The following IMMP1L variants were observed in gnomAD, a reference collection of about 807,000 sequenced individuals.
The protein encoded by IMMP1L is mitochondrial inner membrane protease subunit 1.
Under a neutral mutation model 21.8 loss-of-function variants are expected in IMMP1L, and 24 were observed. That is an observed-to-expected ratio of 1.10 (90% CI 0.80 to 1.55). IMMP1L has a LOEUF of 1.55. Ranked by LOEUF, IMMP1L falls within the 40% of genes most tolerant of loss-of-function variation. IMMP1L has a pLI of 0.00. For synonymous variants in IMMP1L, 46 were observed against 62.8 expected (o/e 0.73, Z 1.26); for missense variants, 195 against 200.7 (o/e 0.97, Z 0.17).
chr11:31,469,391 G>A (rs1954470701), intron 1 of IMMP1L, among the ~76,000 whole-genome samples: 1 of 151,786 alleles, frequency 6.6e-6, no homozygotes, highest in Non-Finnish European at 1.5e-5. Context: ...GTTCAGCAGT[G>A]ACCTAAAATC....
intron 1 of IMMP1L, among the ~76,000 whole-genome samples, chr11:31,482,136 C>T (rs753436010): frequency 3.3e-5 from 5 of 151,924 alleles, no homozygotes; most frequent in Non-Finnish European, 5.9e-5. Flanking sequence ...TACATAATTA[C>T]GGTCATCGGC....
At position 31,464,567 on chromosome 11, in the gene IMMP1L, C is replaced by T. The variant is rs150899910; in HGVS notation, c.-29-1262G>A. Among the ~76,000 whole-genome samples, 625 of 152,238 alleles carry T rather than the reference C, an allele frequency of 4.1e-3. 2 individuals are homozygous for T. Among genetic ancestry groups the T allele is most frequent in the African/African-American group, 0.014 (591 of 41,548 alleles). On this transcript the variant is annotated intron_variant, in intron 1 of 5. Transcript: ENST00000532287. ...AATACTAGCAAACCAAACCCAACAA[C>T]GCATTAAAGAGATAATATACCACGA... is the stretch of plus-strand genomic sequence containing the variant.
chr11:31,461,420 A>G lies in IMMP1L; in HGVS notation c.106-706T>C, dbSNP rs1564983522. On this transcript the variant is annotated intron_variant, in intron 2 of 5. Transcript: ENST00000532287. ...TAAATAGAACCCATCTTTACAATGAAGCAATTAAAGATTTTCCTATTTGTA... is the reference window on the plus strand; with the variant it reads ...TAAATAGAACCCATCTTTACAATGAGGCAATTAAAGATTTTCCTATTTGTA... Among the ~76,000 whole-genome samples the G allele has an allele frequency of 2.6e-5, 4 of 152,172 alleles. No homozygotes were observed. The South Asian group carries it at 6.2e-4, about 24-fold the overall frequency.
chr11:31,479,249 A>G (rs1954814603), intron 1 of IMMP1L, among the ~76,000 whole-genome samples: 1 of 152,030 alleles, frequency 6.6e-6, no homozygotes, highest in Non-Finnish European at 1.5e-5. Context: ...TTTGAGGAAC[A>G]CTCCACATTT....
chr11:31,438,435 T>C (rs978389539), intron 4 of IMMP1L, among the ~76,000 whole-genome samples: 7 of 152,124 alleles, frequency 4.6e-5, no homozygotes, highest in African/African-American at 1.7e-4. Context: ...TACAAGTCCT[T>C]TGATGGGATT....
chr11:31,500,664 CAG>C (rs1436217773), intron 1 of IMMP1L, among the ~76,000 whole-genome samples: 1 of 151,642 alleles, frequency 6.6e-6, no homozygotes, highest in Non-Finnish European at 1.5e-5. Context: ...ACTCGGAACA[CAG>C]GGCAAATGAA....
chr11:31,453,815 A>G (rs1268984905), intron 4 of IMMP1L, among the ~76,000 whole-genome samples: 1 of 152,166 alleles, frequency 6.6e-6, no homozygotes, highest in Non-Finnish European at 1.5e-5. Context: ...TTTTAAAAAT[A>G]ATAAAGACAA....
At chr11:31,465,723 A>G (rs1031383751) in intron 1 of IMMP1L, among the ~76,000 whole-genome samples, 3 of 152,044 alleles carry the variant, frequency 2.0e-5, no homozygotes, top group East Asian at 1.9e-4. Context: ...ATAGTGCTGG[A>G]AAATTTGGAT....
chr11:31,442,846 T>C (rs1953383804), intron 4 of IMMP1L, among the ~76,000 whole-genome samples: 1 of 152,158 alleles, frequency 6.6e-6, no homozygotes, highest in African/African-American at 2.4e-5. Flanking sequence ...TTTGCTTCTA[T>C]TTAGTAAAAA....
At chr11:31,469,151 T>C (rs1437376262) in intron 1 of IMMP1L, among the ~76,000 whole-genome samples, 6 of 152,188 alleles carry the variant, frequency 3.9e-5, no homozygotes, top group Admixed American at 6.5e-5. Context: ...AAAATTGGGC[T>C]ACTACAGTTT....
rs564794552 is a variant in IMMP1L, at chr11:31,494,408, C to T, written c.-30+15111G>A. On this transcript the variant is annotated intron_variant, in intron 1 of 5. Transcript: ENST00000532287. The stretch of plus-strand genomic sequence containing the variant: ...CACAGCTGGGATGCAGGACACCATG[C>T]CCCAGGACTGCACAGAACAGGGGCA... 9.8e-5 allele frequency among the ~76,000 whole-genome samples: 15 copies of T among 152,320 alleles called. No homozygotes were observed. In the South Asian group the frequency reaches 2.5e-3, roughly 25 times the overall value.
chr11:31,491,807 C>A (rs1592031890), intron 1 of IMMP1L, among the ~76,000 whole-genome samples: 1 of 152,142 alleles, frequency 6.6e-6, no homozygotes, highest in South Asian at 2.1e-4. Flanking sequence ...ATGAGATTAT[C>A]CAGGAAAGAT....
chr11:31,482,707 T>C (rs1479371943), intron 1 of IMMP1L, among the ~76,000 whole-genome samples: 2 of 151,940 alleles, frequency 1.3e-5, no homozygotes, highest in African/African-American at 4.8e-5. Context: ...AAAACGAGTG[T>C]TGGAAACATG....
chr11:31,460,783 A>C lies in IMMP1L; in HGVS notation c.106-69T>G, dbSNP rs1954115967. ...TAAATTTAACATAAATCTTTTAAGCAAGCTTAAAAGAAAGAAAATCAAGCA... is the reference window on the plus strand; with the variant it reads ...TAAATTTAACATAAATCTTTTAAGCCAGCTTAAAAGAAAGAAAATCAAGCA... On this transcript the variant is annotated intron_variant, in intron 2 of 5. Coordinates refer to ENST00000532287, the MANE Select transcript of IMMP1L (RefSeq NM_001304274.2). 2.8e-6 allele frequency: 3 copies of C among 1,066,914 alleles called. No homozygotes were observed. In the East Asian group the frequency reaches 7.5e-5, roughly 27 times the overall value. 66.1% of individuals were successfully genotyped at this position (1,066,914 alleles called of 1,614,324 possible). A position where few individuals can be genotyped will look rare whatever the true frequency, so the allele number is the denominator to read the frequency against.
chr11:31,491,612 G>A (rs1269167299), intron 1 of IMMP1L, among the ~76,000 whole-genome samples: 2 of 152,130 alleles, frequency 1.3e-5, no homozygotes, highest in Non-Finnish European at 2.9e-5. Context: ...ATAAATTGAG[G>A]AAGAAATTGT....
At chr11:31,496,420 C>A (rs1338736623) in intron 1 of IMMP1L, among the ~76,000 whole-genome samples, 1 of 152,102 alleles carries the variant, frequency 6.6e-6, no homozygotes, top group Non-Finnish European at 1.5e-5. Flanking sequence ...TTTGGTGATA[C>A]CTTAAAAAGT....
chr11:31,476,340 T>A (rs1260324937), intron 1 of IMMP1L, among the ~76,000 whole-genome samples: 1 of 151,970 alleles, frequency 6.6e-6, no homozygotes. Flanking sequence ...GAAATACAAT[T>A]TGAAATACAG....
chr11:31,469,177 G>T (rs996480793), intron 1 of IMMP1L, among the ~76,000 whole-genome samples: 12 of 151,950 alleles, frequency 7.9e-5, no homozygotes, highest in Admixed American at 7.2e-4. Flanking sequence ...TTAATCCAAA[G>T]ATTATAAGCA....
At chr11:31,487,382 G>C (rs1334182435) in intron 1 of IMMP1L, among the ~76,000 whole-genome samples, 1 of 152,024 alleles carries the variant, frequency 6.6e-6, no homozygotes, top group African/African-American at 2.4e-5. Flanking sequence ...AATTCCAAAT[G>C]ATATTCAGGT....
Sources: allele counts gnomAD v4.1 joint callset (sites outside exome capture counted in the v4.1 genomes callset), GRCh38; gene constraint gnomAD v4.1.1; transcripts MANE v1.5; gene names NCBI Gene and HGNC (gene_info 2026-07-23, HGNC 2026-07-21).